The following GRAMD4 variants were observed in gnomAD, a reference collection of about 807,000 sequenced individuals.
GRAMD4 encodes GRAM domain containing 4.
GRAMD4 carries 25 observed loss-of-function variants against 83.9 expected under a neutral mutation model. The observed-to-expected ratio is 0.30, with a 90% CI of 0.22 to 0.42. The LOEUF (loss-of-function observed/expected upper bound fraction) is 0.42, where lower values mean the gene tolerates loss of function less well. GRAMD4 is among the 10% of genes least tolerant of loss of function. GRAMD4 has a pLI of 1.00. For synonymous variants in GRAMD4, 336 were observed against 320.9 expected, an observed-to-expected ratio of 1.05 and a Z score of -0.50; for missense variants, 593 against 788.7, an observed-to-expected ratio of 0.75 and a Z score of 2.97.
chr22:46,610,635 CA>C (rs1372655925), intron 1 of GRAMD4, among the ~76,000 whole-genome samples: 1 of 152,242 alleles, frequency 6.6e-6, no homozygotes, highest in African/African-American at 2.4e-5. Context: ...TGCTTTCAGA[CA>C]GCTTTCAGCT....
chr22:46,665,495 G>C lies in GRAMD4; in HGVS notation c.718-120G>C, dbSNP rs924162123. ...ACGCACCCTCATCCCTGAGTGTCTG[G>C]AGAGCCAGCGGGTGGCCTGGTCTCC... On this transcript the variant is annotated intron_variant, in intron 8 of 18. Coordinates refer to ENST00000406902, the MANE Select transcript of GRAMD4 (RefSeq NM_015124.5). 5 of 619,242 alleles carry C rather than the reference G, an allele frequency of 8.1e-6. No individual in the cohort carries two copies. In the African/African-American group the frequency reaches 9.1e-5, roughly 11 times the overall value. The allele number at this position is 619,242 out of a possible 1,614,324, so 38.4% of individuals were successfully genotyped here. A position where few individuals can be genotyped will look rare whatever the true frequency, so the allele number is the denominator to read the frequency against.
Position 46,668,193 on chromosome 22 carries a change from G to T in GRAMD4, c.930+26G>T, listed in dbSNP as rs1200841374. On this transcript the variant is annotated intron_variant, in intron 11 of 18. Transcript: ENST00000406902. ...GTACTGCCACGGGCGCCGGCCAGGG[G>T]TGTGTCTGCGCCAGCCATGGGCACC... 1.9e-6 allele frequency: 3 copies of T among 1,556,622 alleles called. No individual in the cohort carries two copies. The South Asian group carries it at 3.3e-5, about 17-fold the overall frequency.
At position 46,677,595 on chromosome 22, in the gene GRAMD4, C is replaced by G. The variant is rs1426616931; in HGVS notation, c.*344C>G. Reference sequence around the variant, plus strand: ...TTCCAGCCTGGACAGAGAAACCTCTCCAGCCACCCCAAGAGGTTCTCGCAA... The same window carrying G: ...TTCCAGCCTGGACAGAGAAACCTCTGCAGCCACCCCAAGAGGTTCTCGCAA... On this transcript the variant is annotated 3_prime_UTR_variant, in exon 19 of 19. Coordinates refer to ENST00000406902, the MANE Select transcript of GRAMD4 (RefSeq NM_015124.5). 9.6e-7 allele frequency: 1 copy of G among 1,046,366 alleles called. No individual in the cohort carries two copies. Among genetic ancestry groups the G allele is most frequent in the Non-Finnish European group, 1.2e-6 (1 of 867,604 alleles). The allele number at this position is 1,046,366 out of a possible 1,614,324, so 64.8% of individuals were successfully genotyped here.
chr22:46,589,751 C>T (rs2081188098), intron 1 of GRAMD4, among the ~76,000 whole-genome samples: 1 of 152,096 alleles, frequency 6.6e-6, no homozygotes. Context: ...ACTCTTCTGG[C>T]CCAGCCCACT....
intron 1 of GRAMD4, among the ~76,000 whole-genome samples, chr22:46,613,965 C>T (rs376606437): frequency 1.7e-4 from 26 of 152,286 alleles, no homozygotes; most frequent in South Asian, 4.1e-4. Context: ...CCCTCATGGC[C>T]GTCATGGCCG....
chr22:46,678,097 G>A lies in GRAMD4; in HGVS notation c.*846G>A. 2.0e-6 allele frequency: 2 copies of A among 985,592 alleles called. No individual in the cohort carries two copies. Among genetic ancestry groups the A allele is most frequent in the Non-Finnish European group, 2.4e-6 (2 of 830,032 alleles). 61.1% of individuals were successfully genotyped at this position (985,592 alleles called of 1,614,324 possible). A position where few individuals can be genotyped will look rare whatever the true frequency, so the allele number is the denominator to read the frequency against. On this transcript the variant is annotated 3_prime_UTR_variant, in exon 19 of 19. Coordinates refer to ENST00000406902, the MANE Select transcript of GRAMD4 (RefSeq NM_015124.5). ...CACACTTTGCTCTTTGGAAGGCCCA[G>A]GAGAACATCCGCGAAGGCTGTTGGA... is the stretch of plus-strand genomic sequence containing the variant.
At chr22:46,651,765 G>C (rs1282427167) in intron 3 of GRAMD4, among the ~76,000 whole-genome samples, 1 of 152,204 alleles carries the variant, frequency 6.6e-6, no homozygotes, top group East Asian at 1.9e-4. Context: ...GAGAGGCTCG[G>C]TGTGCACTTT....
intron 1 of GRAMD4, among the ~76,000 whole-genome samples, chr22:46,588,886 C>T (rs557209464): frequency 6.6e-6 from 1 of 152,202 alleles, no homozygotes; most frequent in South Asian, 2.1e-4. Context: ...GGGCCTGGGG[C>T]TGGTGACCCA....
chr22:46,624,774 C>T (rs1053314713), intron 1 of GRAMD4, among the ~76,000 whole-genome samples: 2 of 152,210 alleles, frequency 1.3e-5, no homozygotes, highest in Non-Finnish European at 2.9e-5. Flanking sequence ...TCCCCATCAC[C>T]CACATCCCCC....
At chr22:46,619,118 T>A (rs528074190), upstream of GRAMD4, among the ~76,000 whole-genome samples, 77 of 152,228 alleles carry the variant, frequency 5.1e-4, no homozygotes, top group Middle Eastern at 3.4e-3. Flanking sequence ...GCCTTGAGTT[T>A]GGGGCAGCAC....
upstream of GRAMD4, among the ~76,000 whole-genome samples, chr22:46,616,649 T>TGC (rs2081500977): frequency 7.5e-6 from 1 of 133,550 alleles, no homozygotes; most frequent in Admixed American, 7.2e-5. Context: ...CGTTCCCCTG[T>TGC]GTGTACGTTC....
In GRAMD4 at chr22:46,665,803, C is replaced by A. The variant is rs2082399823; in HGVS notation, c.809+97C>A. The A allele has an allele frequency of 1.6e-5, 11 of 703,538 alleles. No individual in the cohort carries two copies. The South Asian group carries it at 1.8e-4, about 11-fold the overall frequency. The allele number at this position is 703,538 out of a possible 1,614,324, so 43.6% of individuals were successfully genotyped here. ...CAACCGTGACCCCAGCTGGGTATGT[C>A]ATGCACTGACGTTTTGGGGGTGGTC... On this transcript the variant is annotated intron_variant, in intron 9 of 18. Transcript: ENST00000406902.
intron 5 of GRAMD4, 58 bp downstream of exon 5, chr22:46,661,500 C>A: frequency 8.4e-7 from 1 of 1,185,626 alleles, no homozygotes; most frequent in Non-Finnish European, 1.2e-6. Flanking sequence ...TGCGCGTCAC[C>A]TGCTGGTTCT....
chr22:46,596,298 G>A (rs561626600), intron 1 of GRAMD4, among the ~76,000 whole-genome samples: 2 of 152,372 alleles, frequency 1.3e-5, no homozygotes, highest in Admixed American at 1.3e-4. Flanking sequence ...ATAGCCATCA[G>A]TTTCCACAGA....
chr22:46,671,125 G>A (rs1387504049), intron 13 of GRAMD4: 1 of 468,642 alleles, frequency 2.1e-6, no homozygotes, highest in East Asian at 7.0e-5. Flanking sequence ...TGGGACTTGG[G>A]CTCTCTTGAG....
chr22:46,674,787 G>A (rs370445793), intron 16 of GRAMD4, 37 bp downstream of exon 16: 47 of 1,451,134 alleles, frequency 3.2e-5, no homozygotes, highest in Middle Eastern at 2.1e-4. Context: ...GGCTGCAGGG[G>A]AGGGGGCGCA....
chr22:46,604,934 T>C (rs1349469459), intron 1 of GRAMD4, among the ~76,000 whole-genome samples: 5 of 103,614 alleles, frequency 4.8e-5, no homozygotes, highest in South Asian at 3.8e-4. Flanking sequence ...TAATGTTGTC[T>C]GGGTTCACCC....
chr22:46,647,502 G>GT (rs2082088244), intron 3 of GRAMD4, among the ~76,000 whole-genome samples: 1 of 151,890 alleles, frequency 6.6e-6, no homozygotes, highest in Non-Finnish European at 1.5e-5. Flanking sequence ...GATCCTGCCA[G>GT]TGGGGGGCCT....
At chr22:46,656,608 C>T (rs575654598) in intron 3 of GRAMD4, among the ~76,000 whole-genome samples, 1 of 152,304 alleles carries the variant, frequency 6.6e-6, no homozygotes, top group South Asian at 2.1e-4. Flanking sequence ...GGGGTCACTC[C>T]CACCCTACCC....
Sources: allele counts gnomAD v4.1 joint callset (sites outside exome capture counted in the v4.1 genomes callset), GRCh38; gene constraint gnomAD v4.1.1; transcripts MANE v1.5; gene names NCBI Gene and HGNC (gene_info 2026-07-23, HGNC 2026-07-21).